Variants in LEPR observed in about 807,000 individuals in gnomAD.
LEPR encodes the protein OB receptor.
Under a neutral mutation model 114.7 loss-of-function variants are expected in LEPR, and 56 were observed. The ratio of observed to expected loss-of-function variants is 0.49; its 90% confidence interval spans 0.39 to 0.61. The LOEUF is 0.61. Among genes scored for constraint, LEPR ranks in the 20% least tolerant of loss-of-function variants. The probability of loss-of-function intolerance (pLI) is 0.00; values close to 1 mark genes in which losing one functional copy is unlikely to be tolerated. For synonymous variants in LEPR, 443 were observed against 461.4 expected (o/e 0.96, Z 0.51); for missense variants, 1,202 against 1,352.9 (o/e 0.89, Z 1.75).
At chr1:65,521,655 T>C (rs1649641459) in intron 2 of LEPR, among the ~76,000 whole-genome samples, 1 of 152,186 alleles carries the variant, frequency 6.6e-6, no homozygotes, top group Non-Finnish European at 1.5e-5. Context: ...ATAGAAATAG[T>C]TCCATATCAT....
At chr1:65,433,041 A>C (rs1646509207) in intron 2 of LEPR, 15 of 985,224 alleles carry the variant, frequency 1.5e-5, no homozygotes, top group African/African-American at 1.7e-5. Context: ...GAAGAGCTCC[A>C]CTGAGATGCG....
intron 2 of LEPR, among the ~76,000 whole-genome samples, chr1:65,449,736 T>C (rs1190341216): frequency 2.0e-5 from 3 of 151,912 alleles, no homozygotes; most frequent in Non-Finnish European, 4.4e-5. Context: ...TTTCTATTGA[T>C]TTTCTGTTTT....
At chr1:65,539,826 T>C (rs1199720676) in intron 2 of LEPR, among the ~76,000 whole-genome samples, 1 of 152,118 alleles carries the variant, frequency 6.6e-6, no homozygotes, top group Non-Finnish European at 1.5e-5. Context: ...TCAGAGGTAG[T>C]AGGCATTGAG....
At chr1:65,632,733 C>T (rs914713007) in intron 19 of LEPR, among the ~76,000 whole-genome samples, 2 of 152,056 alleles carry the variant, frequency 1.3e-5, no homozygotes, top group African/African-American at 4.8e-5. Context: ...TATTCTTTAC[C>T]ATTTTTAGCA....
chr1:65,528,345 T>A (rs993888724), intron 2 of LEPR, among the ~76,000 whole-genome samples: 3 of 152,176 alleles, frequency 2.0e-5, no homozygotes, highest in Admixed American at 2.0e-4. Context: ...ATTAGAAAGT[T>A]GCAAATGTTC....
chr1:65,431,339 A>G (rs1373011884), intron 2 of LEPR, among the ~76,000 whole-genome samples: 1 of 152,196 alleles, frequency 6.6e-6, no homozygotes, highest in Non-Finnish European at 1.5e-5. Context: ...ACCATCTACA[A>G]ACCATCTACT....
At chr1:65,500,653 T>C (rs1648399018) in intron 2 of LEPR, among the ~76,000 whole-genome samples, 1 of 152,178 alleles carries the variant, frequency 6.6e-6, no homozygotes, top group South Asian at 2.1e-4. Context: ...ACTGTAAGAA[T>C]ATAGTATATA....
intron 5 of LEPR, among the ~76,000 whole-genome samples, chr1:65,578,701 T>A (rs1450479074): frequency 2.0e-5 from 3 of 152,194 alleles, no homozygotes; most frequent in Non-Finnish European, 4.4e-5. Flanking sequence ...AAGCTAAATA[T>A]AAAATTGTAA....
chr1:65,506,053 G>C (rs1401717811), intron 2 of LEPR, among the ~76,000 whole-genome samples: 1 of 152,146 alleles, frequency 6.6e-6, no homozygotes, highest in Non-Finnish European at 1.5e-5. Flanking sequence ...TGGCAAACAT[G>C]CTGGTTCCCC....
intron 2 of LEPR, among the ~76,000 whole-genome samples, chr1:65,448,780 C>A (rs565874549): frequency 6.6e-6 from 1 of 152,262 alleles, no homozygotes; most frequent in Non-Finnish European, 1.5e-5. Context: ...TGGTCCATTT[C>A]ATCTAGGTTA....
rs1658758654 is a variant in LEPR at position 65,637,599 on chromosome 1, G to C, written c.*584G>C. On this transcript the variant is annotated 3_prime_UTR_variant, in exon 20 of 20. Coordinates refer to ENST00000349533, the MANE Select transcript of LEPR (RefSeq NM_002303.6). ...TGAAATAACCTGCAAGAATGGTGAT[G>C]CCCACAATCAGTATTTTGATGACAA... 2 of 152,248 alleles carry C rather than the reference G, an allele frequency of 1.3e-5. No homozygotes were observed. The highest frequency in any genetic ancestry group is 2.9e-5 in the Non-Finnish European group (2 of 68,102). The allele number at this position is 152,248 out of a possible 1,614,324, so 9.4% of individuals were successfully genotyped here. A position where few individuals can be genotyped will look rare whatever the true frequency, so the allele number is the denominator to read the frequency against.
intron 2 of LEPR, among the ~76,000 whole-genome samples, chr1:65,544,366 A>C (rs1474480885): frequency 6.6e-6 from 1 of 152,032 alleles, no homozygotes; most frequent in Non-Finnish European, 1.5e-5. Context: ...TTTTCTAAAT[A>C]CACAATCATG....
chr1:65,487,724 C>T (rs969631508), intron 2 of LEPR, among the ~76,000 whole-genome samples: 3 of 151,386 alleles, frequency 2.0e-5, no homozygotes, highest in African/African-American at 2.4e-5. Flanking sequence ...TTAAAATTAT[C>T]TTAGGTACAT....
chr1:65,599,484 C>T (rs1308873780), intron 8 of LEPR, among the ~76,000 whole-genome samples: 1 of 152,160 alleles, frequency 6.6e-6, no homozygotes, highest in Non-Finnish European at 1.5e-5. Context: ...TAACAGGTAC[C>T]ATGCAAATAT....
chr1:65,548,488 G>T (rs1651973660), intron 2 of LEPR, among the ~76,000 whole-genome samples: 1 of 152,058 alleles, frequency 6.6e-6, no homozygotes, highest in African/African-American at 2.4e-5. Flanking sequence ...GAATCTGGGT[G>T]CTCCTGTATT....
intron 2 of LEPR, among the ~76,000 whole-genome samples, chr1:65,477,491 G>A (rs1038762406): frequency 6.6e-6 from 1 of 152,314 alleles, no homozygotes; most frequent in Admixed American, 6.5e-5. Flanking sequence ...ACTTCTACAC[G>A]AAGGGTAAGG....
Position 65,622,975 on chromosome 1 carries a change from T to C in LEPR, c.2667T>C (p.Phe889=). Residue 889 remains phenylalanine, a synonymous_variant, in exon 19 of 20, where the codon TTT becomes TTC. Coordinates refer to ENST00000349533, the MANE Select transcript of LEPR (RefSeq NM_002303.6). ...KNCSWAQGLN[F]QKPETFEHLF... ...GTTCCTGGGCACAAGGACTTAATTT[T>C]CAGAAGGTTGCTTTTTCAATTTTTT... 3.1e-6 allele frequency: 5 copies of C among 1,613,936 alleles called. No homozygotes were observed. Among genetic ancestry groups the C allele is most frequent in the Non-Finnish European group, 4.2e-6 (5 of 1,179,918 alleles).
chr1:65,634,527 A>G, intron 19 of LEPR: 1 of 942,776 alleles, frequency 1.1e-6, no homozygotes, highest in Non-Finnish European at 1.3e-6. Flanking sequence ...ACATATTTCA[A>G]TAGTATATGA....
intron 2 of LEPR, among the ~76,000 whole-genome samples, chr1:65,501,995 A>G (rs1648477199): frequency 6.6e-6 from 1 of 152,202 alleles, no homozygotes; most frequent in Admixed American, 6.6e-5. Flanking sequence ...TATGAGATAC[A>G]TAATCAGTGG....
Sources: gnomAD v4.1 joint callset for allele counts (sites outside exome capture counted in the v4.1 genomes callset) on GRCh38, gnomAD v4.1.1 for gene constraint, MANE v1.5 for transcripts, NCBI Gene and HGNC (gene_info 2026-07-23, HGNC 2026-07-21) for gene names.